The following GAPVD1 variants were observed in gnomAD, a reference collection of about 807,000 sequenced individuals.
GAPVD1 encodes the protein GTPase-activating protein and VPS9 domain-containing protein 1.
In GAPVD1, 35 loss-of-function variants were observed where a neutral mutation model predicts 155.5. The ratio of observed to expected loss-of-function variants is 0.23; its 90% CI spans 0.17 to 0.30. The LOEUF is 0.30. Among genes scored for constraint, GAPVD1 ranks in the 10% least tolerant of loss-of-function variants. The pLI, the probability that GAPVD1 is intolerant of heterozygous loss-of-function variation, is 1.00. For synonymous variants in GAPVD1, 636 were observed against 619.7 expected (o/e 1.03, Z -0.39); for missense variants, 1,429 against 1,775.7 (o/e 0.80, Z 3.51).
rs149745623 is a variant in GAPVD1 at position 125,349,318 on chromosome 9, T to C, written c.3170-72T>C. On this transcript the variant is annotated intron_variant, in intron 20 of 27. Coordinates refer to ENST00000297933, the MANE Select transcript of GAPVD1 (RefSeq NM_001282680.3). ...ATGGTAATTTATTCTTGAGTTGCTC[T>C]GAATACCTACTAGTGCCATAATATT... 3.9e-4 allele frequency: 510 copies of C among 1,311,440 alleles called. 1 individual carries two copies. The African/African-American group carries it at 5.4e-3, about 14-fold the overall frequency. The allele number at this position is 1,311,440 out of a possible 1,614,324, so 81.2% of individuals were successfully genotyped here. A position where few individuals can be genotyped will look rare whatever the true frequency, so the allele number is the denominator to read the frequency against.
chr9:125,292,500 T>G (rs1838771246), intron 2 of GAPVD1, among the ~76,000 whole-genome samples: 1 of 151,946 alleles, frequency 6.6e-6, no homozygotes, highest in Admixed American at 6.6e-5. Flanking sequence ...TCAAGTGATT[T>G]TCTTGCCTCA....
chr9:125,283,696 A>T (rs1052370351), intron 2 of GAPVD1, among the ~76,000 whole-genome samples: 3 of 152,110 alleles, frequency 2.0e-5, no homozygotes, highest in Non-Finnish European at 2.9e-5. Flanking sequence ...GATACATATC[A>T]TTAATTTGGG....
chr9:125,310,925 C>T (rs765126049), intron 8 of GAPVD1, among the ~76,000 whole-genome samples: 93 of 151,046 alleles, frequency 6.2e-4, no homozygotes, highest in Non-Finnish European at 1.2e-3. Flanking sequence ...CTGCAACCTC[C>T]GCCTCCCGGG....
rs1174056249 is a variant in GAPVD1 at position 125,312,379 on chromosome 9, T to C, written c.1442-73T>C. ...AAATGTTCTGCACTAATAGAAAATA[T>C]ATTCATATTTAGCATACCATTTTCT... On this transcript the variant is annotated intron_variant, in intron 8 of 27. Transcript: ENST00000297933. 6.4e-6 allele frequency: 6 copies of C among 940,308 alleles called. No homozygotes were observed. The African/African-American group carries it at 6.8e-5, about 11-fold the overall frequency. The allele number at this position is 940,308 out of a possible 1,614,324, so 58.2% of individuals were successfully genotyped here.
chr9:125,306,587 G>A (rs1164583546), intron 6 of GAPVD1, among the ~76,000 whole-genome samples: 2 of 151,290 alleles, frequency 1.3e-5, no homozygotes, highest in Non-Finnish European at 2.9e-5. Context: ...CGACCTCCCT[G>A]GCGCAAGCAG....
At chr9:125,321,184 T>C (rs1161651213) in intron 9 of GAPVD1, among the ~76,000 whole-genome samples, 1 of 152,154 alleles carries the variant, frequency 6.6e-6, no homozygotes, top group Non-Finnish European at 1.5e-5. Flanking sequence ...TCACCACTAC[T>C]CATCTGGTAG....
At chr9:125,309,995 T>A in intron 8 of GAPVD1, 1 of 462,442 alleles carries the variant, frequency 2.2e-6, no homozygotes, top group South Asian at 1.6e-5. Flanking sequence ...CATATTACAG[T>A]AGTAACCCCG....
intron 9 of GAPVD1, 42 bp from the exon 10 acceptor site, chr9:125,321,391 A>C (rs1564387151): frequency 2.0e-6 from 3 of 1,485,624 alleles, no homozygotes; most frequent in Non-Finnish European, 2.8e-6. Context: ...CTTATCAGTA[A>C]TCTTTCCATT....
chr9:125,302,821 A>G lies in GAPVD1; in HGVS notation c.1024A>G (p.Met342Val). The stretch of plus-strand genomic sequence containing the variant: ...TAATGAAGTAGCACGATTTAATCTG[A>G]TGCAGGTATGCTTTTGCTATTATTA... Reference protein sequence around the residue: ...PINEVARFNLMQVGRLLQQLA... With the variant: ...PINEVARFNLVQVGRLLQQLA... Residue 342 changes from methionine to valine, a missense_variant, in exon 5 of 28, where the codon ATG (methionine) becomes GTG (valine). By Grantham distance (21) the Met-to-Val change is conservative. Around this residue, in one of 4 missense-constraint regions of GAPVD1, gnomAD observed 628 missense variants for 733.4 expected, o/e 0.86. Coordinates refer to ENST00000297933, the MANE Select transcript of GAPVD1 (RefSeq NM_001282680.3). 3.1e-6 allele frequency: 5 copies of G among 1,590,456 alleles called. No homozygotes were observed. Among genetic ancestry groups the G allele is most frequent in the Non-Finnish European group, 4.3e-6 (5 of 1,167,888 alleles).
intron 2 of GAPVD1, among the ~76,000 whole-genome samples, chr9:125,272,089 TCTCGGCTCACTTCAAC>T (rs1297646539): frequency 6.6e-6 from 1 of 152,074 alleles, no homozygotes; most frequent in African/African-American, 2.4e-5. Flanking sequence ...AGTGGCATGA[TCTCGGCTCACTTCAAC>T]CTCTGCTGCC....
chr9:125,301,963 CTTTTTT>C lies in GAPVD1; in HGVS notation c.186-8_186-3del, dbSNP rs397893733. ...AATACTATTATTTTGCTTGTTTGCT[CTTTTTT>C]TTTTTTTTTTTAGTGCTGAAGCTTC... On this transcript the variant is annotated splice_polypyrimidine_tract_variant and intron_variant, in intron 4 of 27. Transcript: ENST00000297933. The C allele has an allele frequency of 4.4e-5, 62 of 1,394,332 alleles. No individual in the cohort carries two copies. The highest frequency in any genetic ancestry group is 5.1e-5 in the Non-Finnish European group (54 of 1,050,276). 86.4% of individuals were successfully genotyped at this position (1,394,332 alleles called of 1,614,324 possible). A position where few individuals can be genotyped will look rare whatever the true frequency, so the allele number is the denominator to read the frequency against.
At chr9:125,314,340 A>G (rs544159242) in intron 9 of GAPVD1, among the ~76,000 whole-genome samples, 15 of 152,284 alleles carry the variant, frequency 9.9e-5, no homozygotes, top group African/African-American at 3.6e-4. Context: ...TATATTTGTA[A>G]CAAAAAGCTT....
intron 23 of GAPVD1, among the ~76,000 whole-genome samples, chr9:125,353,711 C>T (rs185577586): frequency 3.9e-5 from 6 of 152,242 alleles, no homozygotes; most frequent in African/African-American, 1.2e-4. Flanking sequence ...AGAGCTTGTG[C>T]AGGGAAATTC....
intron 26 of GAPVD1, 124 bp from the exon 27 acceptor site, chr9:125,360,403 GT>G: frequency 1.5e-6 from 1 of 672,944 alleles, no homozygotes; most frequent in Admixed American, 2.5e-5. Context: ...CTGCAATATG[GT>G]TTTACCAAAG....
At chr9:125,335,864 A>G (rs1394175279) in intron 15 of GAPVD1, among the ~76,000 whole-genome samples, 1 of 152,064 alleles carries the variant, frequency 6.6e-6, no homozygotes, top group East Asian at 1.9e-4. Flanking sequence ...AGTTGTAAAG[A>G]TATCTTGGCC....
chr9:125,303,021 A>G (rs962654536), intron 5 of GAPVD1, among the ~76,000 whole-genome samples, 195 bp downstream of exon 5: 7 of 151,998 alleles, frequency 4.6e-5, no homozygotes, highest in Non-Finnish European at 7.4e-5. Flanking sequence ...GTCACAAAAC[A>G]TTTTGTCTTT....
chr9:125,292,331 G>A (rs1838739590), intron 2 of GAPVD1, among the ~76,000 whole-genome samples: 1 of 151,928 alleles, frequency 6.6e-6, no homozygotes, highest in African/African-American at 2.4e-5. Context: ...TGGAAGTTCT[G>A]ACTTTATTAT....
chr9:125,360,098 T>G (rs1850693613), intron 26 of GAPVD1, among the ~76,000 whole-genome samples: 1 of 152,248 alleles, frequency 6.6e-6, no homozygotes, highest in Admixed American at 6.5e-5. Context: ...ATTTTTAAAT[T>G]AACCTCTTTT....
chr9:125,325,494 T>C (rs958384830), intron 11 of GAPVD1, among the ~76,000 whole-genome samples: 2 of 122,854 alleles, frequency 1.6e-5, no homozygotes, highest in African/African-American at 3.3e-5. Flanking sequence ...CACTCCAGCC[T>C]GGGCGACAGA....
Sources: allele counts gnomAD v4.1 joint callset (sites outside exome capture counted in the v4.1 genomes callset), GRCh38; gene constraint gnomAD v4.1.1; regional missense constraint gnomAD v4.1.1; transcripts MANE v1.5; gene names NCBI Gene and HGNC (gene_info 2026-07-23, HGNC 2026-07-21).